The following RGL1 variants were observed in gnomAD, a reference collection of about 807,000 sequenced individuals.
RGL1 encodes the protein ral guanine nucleotide dissociation stimulator-like 1.
RGL1 carries 24 observed loss-of-function variants against 95.2 expected under a neutral mutation model. The observed-to-expected ratio is 0.25, with a 90% CI of 0.18 to 0.35. RGL1 has a LOEUF of 0.35. Ranked by LOEUF, RGL1 falls within the 10% of genes least tolerant of loss-of-function variation. The pLI is 1.00. For missense variants in RGL1, 715 were observed against 936.3 expected, an observed-to-expected ratio of 0.76 and a Z score of 3.08; for synonymous variants, 329 against 344.9, an observed-to-expected ratio of 0.95 and a Z score of 0.51.
chr1:183,832,305 G>T (rs1159901540), intron 2 of RGL1, among the ~76,000 whole-genome samples: 1 of 152,112 alleles, frequency 6.6e-6, no homozygotes, highest in Non-Finnish European at 1.5e-5. Flanking sequence ...CTAGAAAAGG[G>T]GTGAGCTTTT....
chr1:183,731,350 T>C (rs900960208), intron 1 of RGL1, among the ~76,000 whole-genome samples: 15 of 152,162 alleles, frequency 9.9e-5, no homozygotes, highest in African/African-American at 3.4e-4. Flanking sequence ...TTTTTAGTAG[T>C]GGAATAATTA....
chr1:183,774,829 C>T (rs893352919), intron 2 of RGL1, among the ~76,000 whole-genome samples: 6 of 152,098 alleles, frequency 3.9e-5, no homozygotes, highest in Non-Finnish European at 8.8e-5. Flanking sequence ...CCGCCTCAGG[C>T]TCCCAAAGTA....
intron 1 of RGL1, chr1:183,647,785 G>C (rs1187798636): frequency 6.2e-7 from 1 of 1,614,132 alleles, no homozygotes; most frequent in African/African-American, 1.3e-5. Flanking sequence ...AGCCTTCCAA[G>C]GTCCTTGGTT....
At chr1:183,911,383 A>G (rs1364645869) in intron 14 of RGL1, among the ~76,000 whole-genome samples, 4 of 152,126 alleles carry the variant, frequency 2.6e-5, no homozygotes, top group Non-Finnish European at 5.9e-5. Context: ...CCCTGGCTGT[A>G]TATAGTTTTG....
At chr1:183,890,599 G>C (rs1358512463) in intron 8 of RGL1, among the ~76,000 whole-genome samples, 1 of 152,130 alleles carries the variant, frequency 6.6e-6, no homozygotes, top group Non-Finnish European at 1.5e-5. Context: ...TTTGGACATG[G>C]TACATCTATA....
At chr1:183,818,176 T>C (rs1335496104) in intron 2 of RGL1, among the ~76,000 whole-genome samples, 4 of 152,186 alleles carry the variant, frequency 2.6e-5, no homozygotes, top group African/African-American at 4.8e-5. Context: ...ATCACTATTA[T>C]GCTCTTGTTA....
At chr1:183,839,622 C>T (rs1186424430) in intron 2 of RGL1, among the ~76,000 whole-genome samples, 1 of 152,164 alleles carries the variant, frequency 6.6e-6, no homozygotes, top group Non-Finnish European at 1.5e-5. Context: ...TCAAATCTGT[C>T]CTCCACGTTG....
At chr1:183,752,178 A>T (rs150797938) in intron 2 of RGL1, among the ~76,000 whole-genome samples, 14 of 152,246 alleles carry the variant, frequency 9.2e-5, no homozygotes, top group African/African-American at 3.4e-4. Context: ...CACAGTGCAT[A>T]AGAGTTTCCC....
intron 2 of RGL1, among the ~76,000 whole-genome samples, chr1:183,828,454 G>A (rs758030710): frequency 1.3e-5 from 2 of 152,146 alleles, no homozygotes; most frequent in Non-Finnish European, 2.9e-5. Flanking sequence ...AGGGCAGCAC[G>A]TGGGGATGTC....
chr1:183,919,502 C>A (rs1263126326), intron 16 of RGL1, among the ~76,000 whole-genome samples: 2 of 152,168 alleles, frequency 1.3e-5, no homozygotes, highest in Admixed American at 6.5e-5. Flanking sequence ...CATGGATCCC[C>A]TCACAGATTT....
In RGL1 at chr1:183,907,025, T is replaced by C. The variant is rs142350145; in HGVS notation, c.1486T>C (p.Cys496Arg). 52 of 1,606,982 alleles carry C rather than the reference T, an allele frequency of 3.2e-5. No homozygotes were observed. Among genetic ancestry groups the C allele is most frequent in the Non-Finnish European group, 4.3e-5 (50 of 1,174,100 alleles). Reference protein sequence around the residue: ...LTEEESYALSCEIEAAADAST... With the variant: ...LTEEESYALSREIEAAADAST... ...TCTCTTTCTCAGCTATGCCCTGTCA[T>C]GTGAGATTGAAGCAGCTGCTGACGC... Residue 496 changes from cysteine (C) to arginine (R), a missense_variant, in exon 14 of 18, where the codon TGT (cysteine) becomes CGT (arginine). By Grantham distance (180) the Cys-to-Arg change is radical. Transcript: ENST00000360851.
At chr1:183,827,227 G>A (rs939987430) in intron 2 of RGL1, among the ~76,000 whole-genome samples, 3 of 152,128 alleles carry the variant, frequency 2.0e-5, no homozygotes, top group African/African-American at 7.2e-5. Flanking sequence ...CCGGCCGTGT[G>A]CCAGTTTCTT....
At position 183,665,582 on chromosome 1, in the gene RGL1, C is replaced by A. The variant is rs940988435; in HGVS notation, c.-33+29081C>A. 3.9e-5 allele frequency among the ~76,000 whole-genome samples: 6 copies of A among 152,270 alleles called. No individual in the cohort carries two copies. The South Asian group carries it at 6.2e-4, about 16-fold the overall frequency. On this transcript the variant is annotated intron_variant, in intron 1 of 18. Coordinates refer to the RGL1 transcript ENST00000304685. ...TTTGATAGATATAGGCCCATTAAGA[C>A]TGCCTATTTATCTTATGTAAGCTTT...
At chr1:183,919,292 T>C (rs1251760935) in intron 16 of RGL1, among the ~76,000 whole-genome samples, 1 of 152,208 alleles carries the variant, frequency 6.6e-6, no homozygotes, top group African/African-American at 2.4e-5. Context: ...TGTTTTGTTT[T>C]GTTTTTGTTT....
chr1:183,830,889 TGG>T (rs1033567251), intron 2 of RGL1, among the ~76,000 whole-genome samples: 3 of 152,220 alleles, frequency 2.0e-5, no homozygotes, highest in Admixed American at 1.3e-4. Flanking sequence ...AAGGTATCCA[TGG>T]AGTTTCGCAT....
intron 1 of RGL1, among the ~76,000 whole-genome samples, chr1:183,669,444 A>C (rs1652287336): frequency 6.6e-6 from 1 of 152,178 alleles, no homozygotes; most frequent in African/African-American, 2.4e-5. Flanking sequence ...CATAGTCCAT[A>C]GTCCATAGAA....
At chr1:183,689,083 A>T (rs1653789631) in intron 1 of RGL1, among the ~76,000 whole-genome samples, 2 of 152,164 alleles carry the variant, frequency 1.3e-5, no homozygotes, top group Non-Finnish European at 2.9e-5. Flanking sequence ...CTCTATAAAA[A>T]TATATAACCC....
At chr1:183,749,522 A>C (rs1657863553) in intron 2 of RGL1, among the ~76,000 whole-genome samples, 1 of 152,116 alleles carries the variant, frequency 6.6e-6, no homozygotes, top group South Asian at 2.1e-4. Context: ...CCAATTTTCC[A>C]GTCTGTGTCT....
intron 2 of RGL1, among the ~76,000 whole-genome samples, chr1:183,767,446 G>C (rs1051865860): frequency 2.0e-5 from 3 of 152,076 alleles, no homozygotes; most frequent in Non-Finnish European, 4.4e-5. Flanking sequence ...CGGATATTTT[G>C]CTCCTGATAT....
Sources: gnomAD v4.1 joint callset for allele counts (sites outside exome capture counted in the v4.1 genomes callset) on GRCh38, gnomAD v4.1.1 for gene constraint, MANE v1.5 for transcripts, NCBI Gene and HGNC (gene_info 2026-07-23, HGNC 2026-07-21) for gene names.